The following CAMK1D variants were observed in gnomAD, a reference collection of about 807,000 sequenced individuals.
CAMK1D encodes the protein calcium/calmodulin-dependent protein kinase type 1D.
CAMK1D carries 9 observed loss-of-function variants against 47.7 expected under a neutral mutation model. That is an observed-to-expected ratio of 0.19 (90% CI 0.11 to 0.33). CAMK1D has a LOEUF of 0.33. Among genes scored for constraint, CAMK1D ranks in the 10% least tolerant of loss-of-function variants. The pLI, the probability that CAMK1D is intolerant of heterozygous loss-of-function variation, is 1.00. For synonymous variants in CAMK1D, 184 were observed against 184.9 expected, an observed-to-expected ratio of 0.99 and a Z score of 0.04; for missense variants, 291 against 488.7, an observed-to-expected ratio of 0.60 and a Z score of 3.81.
In CAMK1D at chr10:12,396,442, G is replaced by T. The variant is rs72767692; in HGVS notation, c.92+46532G>T. Reference sequence around the variant, plus strand: ...GCCCAGGGATAATGGGTTCATTCTGGGCCCTCCAACCAGAGTCTTCATGAG... The same window carrying T: ...GCCCAGGGATAATGGGTTCATTCTGTGCCCTCCAACCAGAGTCTTCATGAG... On this transcript the variant is annotated intron_variant, in intron 1 of 10. Transcript: ENST00000619168. Among the ~76,000 whole-genome samples the T allele has an allele frequency of 1.2e-3, 182 of 152,212 alleles. 2 individuals carry two copies. Among genetic ancestry groups the T allele is most frequent in the Non-Finnish European group, 2.1e-3 (146 of 68,012 alleles).
rs183340695 is a variant in CAMK1D, at chr10:12,353,907, C to G, written c.92+3997C>G. ...TTCAGGCCGTCCCTATCGTAGCTAT[C>G]TTTCAGTGACTACTGAAGCAAAAAA... On this transcript the variant is annotated intron_variant, in intron 1 of 10. Transcript: ENST00000619168. Among the ~76,000 whole-genome samples the G allele has an allele frequency of 6.2e-4, 95 of 152,238 alleles. No individual in the cohort carries two copies. In the Middle Eastern group the frequency reaches 0.01, roughly 16 times the overall value.
intron 4 of CAMK1D, 106 bp from the exon 5 acceptor site, chr10:12,769,567 A>T: frequency 7.8e-7 from 1 of 1,287,420 alleles, no homozygotes; most frequent in Non-Finnish European, 1.1e-6. Context: ...TCCAAAGGTC[A>T]AGGACGTCCT....
chr10:12,642,009 A>G (rs1308768355), intron 2 of CAMK1D, among the ~76,000 whole-genome samples: 1 of 150,678 alleles, frequency 6.6e-6, no homozygotes, highest in Non-Finnish European at 1.5e-5. Flanking sequence ...ACGCTACTGC[A>G]TTCCAGCTAG....
chr10:12,704,074 G>T (rs1833637328), intron 3 of CAMK1D, among the ~76,000 whole-genome samples: 1 of 152,146 alleles, frequency 6.6e-6, no homozygotes, highest in Non-Finnish European at 1.5e-5. Context: ...GTGTGTGTGT[G>T]TAAATGTGCA....
chr10:12,564,256 G>A (rs905936076), intron 2 of CAMK1D, among the ~76,000 whole-genome samples: 12 of 151,710 alleles, frequency 7.9e-5, no homozygotes, highest in Non-Finnish European at 2.9e-5. Context: ...AATGCAAGTA[G>A]GCCTGAGATG....
At chr10:12,503,330 A>G (rs966591909) in intron 1 of CAMK1D, among the ~76,000 whole-genome samples, 3 of 152,192 alleles carry the variant, frequency 2.0e-5, no homozygotes, top group African/African-American at 7.2e-5. Flanking sequence ...GTGTATTTAA[A>G]TGCGTTCAAC....
At chr10:12,422,451 G>A (rs1170495128) in intron 1 of CAMK1D, among the ~76,000 whole-genome samples, 1 of 152,156 alleles carries the variant, frequency 6.6e-6, no homozygotes, top group East Asian at 1.9e-4. Flanking sequence ...CTGGGGCATT[G>A]CCACCTGAGA....
intron 8 of CAMK1D, 47 bp downstream of exon 8, chr10:12,816,375 T>G (rs563527987): frequency 1.6e-4 from 232 of 1,476,878 alleles, no homozygotes; most frequent in Admixed American, 7.5e-4. Context: ...TAATGCCATC[T>G]GGGGGGGGCA....
At chr10:12,553,875 A>G (rs886659795) in intron 2 of CAMK1D, among the ~76,000 whole-genome samples, 2 of 152,226 alleles carry the variant, frequency 1.3e-5, no homozygotes, top group African/African-American at 2.4e-5. Context: ...CTCACAAAAT[A>G]GAGTCACGTG....
intron 2 of CAMK1D, among the ~76,000 whole-genome samples, chr10:12,621,476 T>A (rs1296579069): frequency 2.0e-5 from 3 of 152,360 alleles, no homozygotes; most frequent in Admixed American, 2.0e-4. Flanking sequence ...ATGCAAGTCC[T>A]ATAAATGTTT....
At chr10:12,536,353 A>G (rs539046894) in intron 1 of CAMK1D, among the ~76,000 whole-genome samples, 25 of 152,188 alleles carry the variant, frequency 1.6e-4, no homozygotes, top group African/African-American at 6.0e-4. Flanking sequence ...ATCTTGGCTC[A>G]CTGCAGCCTC....
chr10:12,642,367 G>A (rs1839691652), intron 2 of CAMK1D, among the ~76,000 whole-genome samples: 1 of 152,214 alleles, frequency 6.6e-6, no homozygotes, highest in Non-Finnish European at 1.5e-5. Context: ...TGTCCTTGTA[G>A]ATGAGAGAGA....
chr10:12,565,365 T>C (rs962263061), intron 2 of CAMK1D, among the ~76,000 whole-genome samples: 13 of 152,124 alleles, frequency 8.5e-5, no homozygotes, highest in African/African-American at 3.1e-4. Flanking sequence ...TTGATTCTCC[T>C]GCCTCAGCCT....
At chr10:12,533,729 G>A (rs1449900238) in intron 1 of CAMK1D, among the ~76,000 whole-genome samples, 2 of 152,164 alleles carry the variant, frequency 1.3e-5, no homozygotes, top group South Asian at 2.1e-4. Flanking sequence ...GGAACAGTTA[G>A]TGTTCTGACA....
chr10:12,782,996 GTTTT>G lies in CAMK1D; in HGVS notation c.566-8151_566-8148del, dbSNP rs869121653. On this transcript the variant is annotated intron_variant, in intron 5 of 10. Coordinates refer to ENST00000619168, the MANE Select transcript of CAMK1D (RefSeq NM_153498.4). ...AGTATTTTCAGTTTTTTTTTTTTTT[GTTTT>G]TTTTTTTTTTGAGACAGAGTCTTGC... Among the ~76,000 whole-genome samples the G allele has an allele frequency of 4.7e-5, 4 of 85,652 alleles. No homozygotes were observed. In the East Asian group the frequency reaches 2.0e-3, roughly 42 times the overall value. The allele number at this position is 85,652 out of a possible 152,430, so 56.2% of individuals were successfully genotyped here.
intron 1 of CAMK1D, among the ~76,000 whole-genome samples, chr10:12,476,899 G>C (rs1281567307): frequency 6.6e-5 from 10 of 152,148 alleles, no homozygotes; most frequent in African/African-American, 2.4e-4. Flanking sequence ...TGTGGGATTG[G>C]AGTGAAGCCC....
chr10:12,521,734 C>A (rs182886976), intron 1 of CAMK1D, among the ~76,000 whole-genome samples: 42 of 152,222 alleles, frequency 2.8e-4, no homozygotes, highest in Non-Finnish European at 5.1e-4. Flanking sequence ...ATTTTTCTTT[C>A]AGTTATTGCC....
At chr10:12,464,113 G>T (rs1000173149) in intron 1 of CAMK1D, among the ~76,000 whole-genome samples, 1 of 152,094 alleles carries the variant, frequency 6.6e-6, no homozygotes, top group African/African-American at 2.4e-5. Flanking sequence ...ATACACCCCT[G>T]CTTAGATGGG....
intron 2 of CAMK1D, among the ~76,000 whole-genome samples, chr10:12,636,068 C>T (rs45605733): frequency 0.016 from 2,429 of 152,262 alleles, 24 homozygotes; most frequent in South Asian, 0.047. Context: ...ATACAATTTA[C>T]CATCTTAGGC....
Sources: allele counts gnomAD v4.1 joint callset (sites outside exome capture counted in the v4.1 genomes callset), GRCh38; gene constraint gnomAD v4.1.1; transcripts MANE v1.5; gene names NCBI Gene and HGNC (gene_info 2026-07-23, HGNC 2026-07-21).